The following C10orf67 variants were observed in gnomAD, a reference collection of about 807,000 sequenced individuals.
The protein encoded by C10orf67 is uncharacterized protein C10orf67, mitochondrial.
A neutral mutation model predicts 35.6 loss-of-function variants in C10orf67; 60 were observed. That is an observed-to-expected ratio of 1.68 (90% CI 1.37 to 2.09). The LOEUF (loss-of-function observed/expected upper bound fraction) is 2.09. C10orf67 is among the 30% of genes most tolerant of loss of function. The pLI is 0.00. For missense variants in C10orf67, 474 were observed against 330.2 expected, an observed-to-expected ratio of 1.44 and a Z score of -3.38; for synonymous variants, 167 against 115.8, an observed-to-expected ratio of 1.44 and a Z score of -2.84.
At chr10:23,288,740 C>T (rs1843622219) in intron 7 of C10orf67, among the ~76,000 whole-genome samples, 1 of 152,038 alleles carries the variant, frequency 6.6e-6, no homozygotes, top group Non-Finnish European at 1.5e-5. Flanking sequence ...AAACTGAATT[C>T]TTAATTTTGT....
chr10:23,331,193 G>GACGGGTACCA, intron 2 of C10orf67, among the ~76,000 whole-genome samples: 1 of 5,714 alleles, frequency 1.8e-4, no homozygotes, highest in South Asian at 6.8e-3. Flanking sequence ...GGGAAGGGAA[G>GACGGGTACCA]GGAAGGGAAG....
At chr10:23,338,164 A>G (rs1845757497) in intron 1 of C10orf67, among the ~76,000 whole-genome samples, 1 of 152,230 alleles carries the variant, frequency 6.6e-6, no homozygotes, top group Non-Finnish European at 1.5e-5. Context: ...GGAATCCCCT[A>G]CAGAGAAAGT....
At chr10:23,304,199 C>A (rs908369256) in intron 4 of C10orf67, among the ~76,000 whole-genome samples, 5 of 152,178 alleles carry the variant, frequency 3.3e-5, no homozygotes, top group African/African-American at 1.2e-4. Flanking sequence ...CCTTCAGAAG[C>A]AGGTTGGCTG....
chr10:23,235,898 C>G (rs573583323), intron 13 of C10orf67, among the ~76,000 whole-genome samples: 1 of 151,912 alleles, frequency 6.6e-6, no homozygotes, highest in Admixed American at 6.6e-5. Flanking sequence ...GGGTGGATCA[C>G]GAGGTCAGGA....
intron 2 of C10orf67, among the ~76,000 whole-genome samples, chr10:23,328,993 C>CAAAAAAAAAAAAAAAAAAAAA (rs57772405): frequency 2.8e-4 from 22 of 78,706 alleles, no homozygotes; most frequent in Middle Eastern, 8.1e-3. Context: ...CATAAACGAA[C>CAAAAAAAAAAAAAAAAAAAAA]AAAAAAAAAA....
chr10:23,324,442 C>G (rs955566995), intron 2 of C10orf67, among the ~76,000 whole-genome samples: 2 of 152,134 alleles, frequency 1.3e-5, no homozygotes, highest in Admixed American at 6.5e-5. Flanking sequence ...TTTCACCTCT[C>G]TCTCTCTCAA....
chr10:23,254,795 T>C (rs1004473055), intron 10 of C10orf67, among the ~76,000 whole-genome samples: 1 of 152,132 alleles, frequency 6.6e-6, no homozygotes, highest in Non-Finnish European at 1.5e-5. Context: ...TACCCTCACA[T>C]CTCTGTTTTC....
chr10:23,341,267 C>A (rs1845873243), intron 1 of C10orf67, among the ~76,000 whole-genome samples: 1 of 152,170 alleles, frequency 6.6e-6, no homozygotes, highest in Admixed American at 6.5e-5. Context: ...TACTTAACAG[C>A]CTAAATGGAT....
At chr10:23,256,185 A>G (rs1001869913) in intron 10 of C10orf67, among the ~76,000 whole-genome samples, 1 of 152,014 alleles carries the variant, frequency 6.6e-6, no homozygotes, top group Non-Finnish European at 1.5e-5. Context: ...TATTTTTTTT[A>G]GAGAAGAAGT....
intron 5 of C10orf67, among the ~76,000 whole-genome samples, chr10:23,294,437 G>T (rs181145397): frequency 1.3e-5 from 2 of 151,754 alleles, no homozygotes; most frequent in East Asian, 3.9e-4. Context: ...AGACATAAAG[G>T]CTAACCTCCT....
At chr10:23,238,712 T>C (rs1842105715) in intron 13 of C10orf67, among the ~76,000 whole-genome samples, 1 of 152,206 alleles carries the variant, frequency 6.6e-6, no homozygotes, top group Non-Finnish European at 1.5e-5. Flanking sequence ...TGATTAAATT[T>C]CTAAAATGAG....
intron 6 of C10orf67, 100 bp from the exon 7 acceptor site, chr10:23,290,058 C>G: frequency 1.5e-6 from 1 of 665,796 alleles, no homozygotes; most frequent in Non-Finnish European, 2.7e-6. Context: ...CACTAGCAGG[C>G]ATAGTGGACA....
chr10:23,254,503 A>G (rs1842547811), intron 10 of C10orf67, among the ~76,000 whole-genome samples: 1 of 152,002 alleles, frequency 6.6e-6, no homozygotes, highest in African/African-American at 2.4e-5. Context: ...AGCCACCACT[A>G]CTGGCTGTGA....
chr10:23,320,920 CAATCTATTGAAAACTTCAGTTCAT>C (rs1844927612), intron 3 of C10orf67, 105 bp from the exon 4 acceptor site: 1 of 737,248 alleles, frequency 1.4e-6, no homozygotes, highest in East Asian at 2.8e-5. Context: ...TGAATCATCA[CAATCTATTGAAAACTTCAGTTCAT>C]AATCATTTCT....
intron 12 of C10orf67, among the ~76,000 whole-genome samples, chr10:23,241,967 T>TC (rs1842192313): frequency 6.6e-6 from 1 of 151,634 alleles, no homozygotes; most frequent in African/African-American, 2.4e-5. Context: ...ACTGACATTT[T>TC]TTTTTTTTAA....
intron 15 of C10orf67, among the ~76,000 whole-genome samples, chr10:23,209,361 C>T (rs1429207925): frequency 6.6e-6 from 1 of 151,904 alleles, no homozygotes; most frequent in African/African-American, 2.4e-5. Flanking sequence ...AGAACCAGGA[C>T]AGGTTGGTGT....
intron 4 of C10orf67, among the ~76,000 whole-genome samples, chr10:23,316,506 CT>C (rs1190174895): frequency 1.3e-5 from 2 of 152,200 alleles, no homozygotes; most frequent in Non-Finnish European, 2.9e-5. Flanking sequence ...TTTATTACAG[CT>C]TTTTTAGTCC....
chr10:23,236,629 GC>G (rs1384113618), intron 13 of C10orf67, among the ~76,000 whole-genome samples: 1 of 152,140 alleles, frequency 6.6e-6, no homozygotes, highest in African/African-American at 2.4e-5. Flanking sequence ...TGTAATCCCA[GC>G]CTTTTGGGAG....
intron 13 of C10orf67, among the ~76,000 whole-genome samples, chr10:23,225,354 G>C (rs1349332254): frequency 1.3e-5 from 2 of 152,124 alleles, no homozygotes; most frequent in African/African-American, 4.8e-5. Flanking sequence ...TGCCCTAAAA[G>C]AGCTCCTGAA....
Sources: gnomAD v4.1 joint callset for allele counts (sites outside exome capture counted in the v4.1 genomes callset) on GRCh38, gnomAD v4.1.1 for gene constraint, MANE v1.5 for transcripts, NCBI Gene and HGNC (gene_info 2026-07-23, HGNC 2026-07-21) for gene names.